Variants in TMEM134 observed in about 807,000 individuals in gnomAD.
TMEM134 encodes transmembrane protein 134.
In TMEM134, 36 loss-of-function variants were observed where a neutral mutation model predicts 26.2. The observed-to-expected ratio is 1.37, with a 90% CI of 1.05 to 1.81. TMEM134 has a LOEUF of 1.81. TMEM134 is among the 40% of genes most tolerant of loss of function. TMEM134 has a pLI of 0.00. For missense variants in TMEM134, 339 were observed against 263.5 expected (o/e 1.29, Z -1.98); for synonymous variants, 133 against 113.6 (o/e 1.17, Z -1.08).
rs2135212089 is a variant in TMEM134 at position 67,465,069 on chromosome 11, C to T, written c.438G>A (p.Ala146=). 6.3e-7 allele frequency: 1 copy of T among 1,583,752 alleles called. No homozygotes were observed. Among genetic ancestry groups the T allele is most frequent in the Non-Finnish European group, 8.6e-7 (1 of 1,168,950 alleles). The change falls in exon 5 of 7, where the codon GCG becomes GCA. Residue 146 remains alanine (A), a synonymous_variant. Transcript: ENST00000308022. ...VLILVGVGLE[A]TPSPGVSSAI... ...AGGGTCGCTCACCTGGAGAGGGGGTCGCCTCCAGTCCCACGCCGACCAGGA... is the reference window on the plus strand; with the variant it reads ...AGGGTCGCTCACCTGGAGAGGGGGTTGCCTCCAGTCCCACGCCGACCAGGA...
Position 67,464,833 on chromosome 11 carries a change from C to A in TMEM134, c.475G>T (p.Val159Leu). The A allele has an allele frequency of 6.2e-7, 1 of 1,610,428 alleles. No homozygotes were observed. The highest frequency in any genetic ancestry group is 8.5e-7 in the Non-Finnish European group (1 of 1,179,698). Residue 159 changes from valine to leucine, a missense_variant, in exon 6 of 7, where the codon GTG (valine) becomes TTG (leucine). Transcript: ENST00000308022. ...GGCACCAACAACAGGAAGCCCGGCA[C>A]GAAGAAGATGGCGCTGGAGACACCT... The part of the protein sequence containing the change: ...SPGVSSAIFF[V>L]PGFLLLVPGV...
intron 2 of TMEM134, chr11:67,467,815 A>G: frequency 1.5e-5 from 10 of 653,324 alleles, no homozygotes; most frequent in Admixed American, 2.6e-5. Context: ...GCCAGACCAG[A>G]CTGGGGGTTT....
chr11:67,465,196 G>C (rs753582917), intron 4 of TMEM134, 96 bp from the exon 5 acceptor site: 5 of 1,534,106 alleles, frequency 3.3e-6, no homozygotes, highest in Non-Finnish European at 2.6e-6. Flanking sequence ...CTGAGCTGAA[G>C]GTGCCCTAGG....
chr11:67,466,008 G>C (rs1865223071), intron 4 of TMEM134: 1 of 152,236 alleles, frequency 6.6e-6, no homozygotes, highest in Non-Finnish European at 1.5e-5. Context: ...GAGTCCAAGA[G>C]TTTGAGGCTG....
At position 67,469,128 on chromosome 11, in the gene TMEM134, C is replaced by T. The variant is rs1310614033; in HGVS notation, c.65G>A (p.Gly22Asp). The change falls in exon 1 of 7, where the codon GGC becomes GAC. Residue 22 changes from glycine (G) to aspartate (D), a missense_variant. Coordinates refer to ENST00000308022, the MANE Select transcript of TMEM134 (RefSeq NM_025124.4). Reference protein sequence around the residue: ...DAFELSLEDGGPGPESSGVAR... With the variant: ...DAFELSLEDGDPGPESSGVAR... ...GACCCCGCTGGACTCGGGCCCAGGG[C>T]CCCCGTCCTCCAGGGACAGCTCGAA... 12 of 1,497,492 alleles carry T rather than the reference C, an allele frequency of 8.0e-6. No homozygotes were observed. Among genetic ancestry groups the T allele is most frequent in the South Asian group, 7.5e-5 (6 of 80,038 alleles). The allele number at this position is 1,497,492 out of a possible 1,614,324, so 92.8% of individuals were successfully genotyped here.
chr11:67,468,688 T>C (rs1284493755), intron 1 of TMEM134, among the ~76,000 whole-genome samples: 1 of 152,092 alleles, frequency 6.6e-6, no homozygotes, highest in Non-Finnish European at 1.5e-5. Context: ...AAGGTCTGGT[T>C]CAGATACAGA....
Position 67,467,275 on chromosome 11 carries a change from G to A in TMEM134, c.406+37C>T, listed in dbSNP as rs188844573. On this transcript the variant is annotated intron_variant, in intron 4 of 6. Coordinates refer to ENST00000308022, the MANE Select transcript of TMEM134 (RefSeq NM_025124.4). Reference sequence around the variant, plus strand: ...ACAAAAGGAGGGCAGAGCCTCCCACGGGGCCCCTCTTGACCCCAACCCTCA... The same window carrying A: ...ACAAAAGGAGGGCAGAGCCTCCCACAGGGCCCCTCTTGACCCCAACCCTCA... The A allele has an allele frequency of 4.7e-4, 753 of 1,605,758 alleles. 4 individuals are homozygous for A. The highest frequency in any genetic ancestry group is 1.8e-4 in the Middle Eastern group (1 of 5,430).
chr11:67,466,997 T>C (rs1195731181), intron 4 of TMEM134: 1 of 424,106 alleles, frequency 2.4e-6, no homozygotes, highest in Non-Finnish European at 4.3e-6. Context: ...TTGCCCAGAG[T>C]AGACACAGAA....
intron 2 of TMEM134, 134 bp from the exon 3 acceptor site, chr11:67,467,724 C>T (rs953080462): frequency 1.2e-6 from 1 of 842,870 alleles, no homozygotes; most frequent in Non-Finnish European, 1.9e-6. Flanking sequence ...CCCTGAGAGG[C>T]CTCGGTGGGT....
At chr11:67,467,630 G>GC in intron 2 of TMEM134, 40 bp from the exon 3 acceptor site, 1 of 1,602,704 alleles carries the variant, frequency 6.2e-7, no homozygotes, top group South Asian at 1.1e-5. Context: ...GGGAGGCAAG[G>GC]ACGGGGTTGC....
chr11:67,468,877 G>A (rs1865466056), intron 1 of TMEM134, 142 bp downstream of exon 1: 1 of 909,872 alleles, frequency 1.1e-6, no homozygotes, highest in South Asian at 2.5e-5. Context: ...TGGATCAAGA[G>A]TCACGTCCGC....
At chr11:67,467,251 C>T (rs1299702006) in intron 4 of TMEM134, 61 bp downstream of exon 4, 1 of 1,531,642 alleles carries the variant, frequency 6.5e-7, no homozygotes, top group Non-Finnish European at 9.0e-7. Flanking sequence ...AGAGCCTGTA[C>T]AAAAGGAGGG....
Position 67,464,205 on chromosome 11 carries a change from T to G in TMEM134, c.*409A>C, listed in dbSNP as rs942707284. ...CCAGCTCTGCCCCTAACATGCCCCG[T>G]GCCCTTGGGCAAGCCTCAGCATCAG... is the stretch of plus-strand genomic sequence containing the variant. On this transcript the variant is annotated 3_prime_UTR_variant, in exon 7 of 7. Transcript: ENST00000308022. 3 of 288,804 alleles carry G rather than the reference T, an allele frequency of 1.0e-5. No individual in the cohort carries two copies. Among genetic ancestry groups the G allele is most frequent in the Non-Finnish European group, 1.3e-5 (2 of 149,138 alleles). 17.9% of individuals were successfully genotyped at this position (288,804 alleles called of 1,614,324 possible). A position where few individuals can be genotyped will look rare whatever the true frequency, so the allele number is the denominator to read the frequency against.
rs1865101513 is a variant in TMEM134, at chr11:67,464,350, G to A, written c.*264C>T. 1.8e-6 allele frequency: 1 copy of A among 553,094 alleles called. No homozygotes were observed. The highest frequency in any genetic ancestry group is 2.0e-5 in the South Asian group (1 of 49,250). 34.3% of individuals were successfully genotyped at this position (553,094 alleles called of 1,614,324 possible). On this transcript the variant is annotated 3_prime_UTR_variant, in exon 7 of 7. Coordinates refer to ENST00000308022, the MANE Select transcript of TMEM134 (RefSeq NM_025124.4). ...GTGGCAGGACAGGAGGAGAGCAATT[G>A]CCTCTGGTGGAATTAATTACTCTTT...
chr11:67,469,161 T>A lies in TMEM134; in HGVS notation c.32A>T (p.Asp11Val). The change falls in exon 1 of 7, where the codon GAT (aspartate) becomes GTT (valine). Residue 11 changes from aspartate (D) to valine (V), a missense_variant. Physicochemically the swap from Asp to Val is radical, Grantham distance 152. Transcript: ENST00000308022. Reference protein sequence around the residue: MSAARPQFSIDDAFELSLEDG... With the variant: MSAARPQFSIVDAFELSLEDG... Reference sequence around the variant, plus strand: ...CTCCAGGGACAGCTCGAAGGCATCATCAATGCTGAACTGGGGCCGGGCGGC... The same window carrying A: ...CTCCAGGGACAGCTCGAAGGCATCAACAATGCTGAACTGGGGCCGGGCGGC... 1 of 1,445,922 alleles carries A rather than the reference T, an allele frequency of 6.9e-7. No individual in the cohort carries two copies. 89.6% of individuals were successfully genotyped at this position (1,445,922 alleles called of 1,614,324 possible).
chr11:67,465,290 G>A, intron 4 of TMEM134, 190 bp from the exon 5 acceptor site: 1 of 1,413,856 alleles, frequency 7.1e-7, no homozygotes, highest in Non-Finnish European at 9.2e-7. Context: ...TGAAAGGAGA[G>A]ATTTTTCTTT....
intron 2 of TMEM134, 123 bp from the exon 3 acceptor site, chr11:67,467,713 G>C: frequency 1.1e-6 from 1 of 912,400 alleles, no homozygotes; most frequent in South Asian, 1.4e-5. Flanking sequence ...AGGATAGTGG[G>C]CCCTGAGAGG....
chr11:67,468,214 G>A (rs1274144633), intron 1 of TMEM134, 122 bp from the exon 2 acceptor site: 2 of 834,054 alleles, frequency 2.4e-6, no homozygotes, highest in Non-Finnish European at 3.9e-6. Context: ...TGTTCACCTG[G>A]CCCTCTGCCC....
intron 5 of TMEM134, 96 bp from the exon 6 acceptor site, chr11:67,464,952 C>G (rs1040719382): frequency 6.5e-7 from 1 of 1,541,814 alleles, no homozygotes; most frequent in African/African-American, 1.4e-5. Flanking sequence ...TCACTCCCAG[C>G]TGAAAAGGAG....
Sources: allele counts gnomAD v4.1 joint callset (sites outside exome capture counted in the v4.1 genomes callset), GRCh38; gene constraint gnomAD v4.1.1; transcripts MANE v1.5; gene names NCBI Gene and HGNC (gene_info 2026-07-23, HGNC 2026-07-21).